Variants in AGAP1 observed in about 807,000 individuals in gnomAD.
AGAP1 encodes the protein arf-GAP with GTPase, ANK repeat and PH domain-containing protein 1.
AGAP1 carries 29 observed loss-of-function variants against 105.3 expected under a neutral mutation model. The observed-to-expected ratio is 0.28, with a 90% CI of 0.21 to 0.38. The LOEUF is 0.38. Among genes scored for constraint, AGAP1 ranks in the 10% least tolerant of loss-of-function variants. AGAP1 has a pLI of 1.00. For synonymous variants in AGAP1, 509 were observed against 485.9 expected, an observed-to-expected ratio of 1.05 and a Z score of -0.63; for missense variants, 998 against 1,165.1, an observed-to-expected ratio of 0.86 and a Z score of 2.09.
At chr2:235,509,194 G>C (rs1941962078) in intron 1 of AGAP1, among the ~76,000 whole-genome samples, 1 of 152,070 alleles carries the variant, frequency 6.6e-6, no homozygotes, top group African/African-American at 2.4e-5. Context: ...CTTGATTTTT[G>C]TCTATCTGTT....
At position 236,124,415 on chromosome 2, in the gene AGAP1, G is replaced by C; in HGVS notation, c.*293G>C. ...CCTTTGATGATAGCACATGGCGCAG[G>C]ACCCTTGTCCTGGTGGCACAAGGGA... On this transcript the variant is annotated 3_prime_UTR_variant, in exon 18 of 18. Coordinates refer to ENST00000304032, the MANE Select transcript of AGAP1 (RefSeq NM_001037131.3). The surrounding 1 kb of genome is among the most constrained non-coding windows in gnomAD (Gnocchi z 5.1). The C allele has an allele frequency of 2.2e-6, 1 of 456,262 alleles. No individual in the cohort carries two copies. Among genetic ancestry groups the C allele is most frequent in the Non-Finnish European group, 4.0e-6 (1 of 248,430 alleles). 28.3% of individuals were successfully genotyped at this position (456,262 alleles called of 1,614,324 possible).
intron 1 of AGAP1, among the ~76,000 whole-genome samples, chr2:235,644,716 A>G (rs13018025): frequency 0.72 from 108,857 of 151,956 alleles, 39,084 homozygotes; most frequent in East Asian, 0.8. Context: ...CCTTGGTGCC[A>G]GAGTTCTGAC....
rs1947742108 is a variant in AGAP1, at chr2:235,655,448, T to C, written c.164-53731T>C. 6.6e-6 allele frequency among the ~76,000 whole-genome samples: 1 copy of C among 152,200 alleles called. No homozygotes were observed. The highest frequency in any genetic ancestry group is 2.1e-4 in the South Asian group (1 of 4,830). ...TCCTTAAGTGTTGCAGAATCACACCTGGACAACCCAGGTGCCCAGTCCTTC... is the reference window on the plus strand; with the variant it reads ...TCCTTAAGTGTTGCAGAATCACACCCGGACAACCCAGGTGCCCAGTCCTTC... On this transcript the variant is annotated intron_variant, in intron 1 of 17. Transcript: ENST00000304032. The surrounding 1 kb of genome is among the most constrained non-coding windows in gnomAD (Gnocchi z 4.3).
In AGAP1 at chr2:235,582,454, T is replaced by C. The variant is rs558590477; in HGVS notation, c.163+87605T>C. On this transcript the variant is annotated intron_variant, in intron 1 of 17. Coordinates refer to ENST00000304032, the MANE Select transcript of AGAP1 (RefSeq NM_001037131.3). The surrounding 1 kb of genome is among the most constrained non-coding windows in gnomAD (Gnocchi z 4.7). ...AGAAGCATGGGTGTCCCCTTAGACA[T>C]CATGGGAGCTCATTGCATTGATGAA... Among the ~76,000 whole-genome samples the C allele has an allele frequency of 4.6e-5, 7 of 152,134 alleles. No individual in the cohort carries two copies. Among genetic ancestry groups the C allele is most frequent in the Non-Finnish European group, 1.0e-4 (7 of 68,024 alleles).
chr2:235,858,146 A>G (rs2048764410), intron 9 of AGAP1, among the ~76,000 whole-genome samples: 1 of 152,246 alleles, frequency 6.6e-6, no homozygotes, highest in African/African-American at 2.4e-5. Flanking sequence ...GAATTCCATC[A>G]TCAACATTAC....
rs1950479688 is a variant in AGAP1, at chr2:235,705,174, T to C, written c.164-4005T>C. Among the ~76,000 whole-genome samples the C allele has an allele frequency of 6.6e-6, 1 of 152,096 alleles. No individual in the cohort carries two copies. Among genetic ancestry groups the C allele is most frequent in the Admixed American group, 6.6e-5 (1 of 15,260 alleles). ...TTGTATTTTTAGTAGAGACGAGGTT[T>C]CGCCATGTTGGCCAGGCTGGTCTTG... On this transcript the variant is annotated intron_variant, in intron 1 of 17. Coordinates refer to ENST00000304032, the MANE Select transcript of AGAP1 (RefSeq NM_001037131.3). This position sits in a 1 kb window ranked among gnomAD's most constrained non-coding sequence, Gnocchi z 4.9.
chr2:235,525,066 G>A (rs529647677), intron 1 of AGAP1, among the ~76,000 whole-genome samples: 3 of 152,314 alleles, frequency 2.0e-5, no homozygotes, highest in South Asian at 2.1e-4. Flanking sequence ...TGAGGCAGGC[G>A]TGAAATTTAC....
intron 9 of AGAP1, among the ~76,000 whole-genome samples, chr2:235,817,475 C>CT (rs1221497992): frequency 1.3e-5 from 2 of 151,848 alleles, no homozygotes; most frequent in Non-Finnish European, 2.9e-5. Context: ...AAAGAATTTA[C>CT]TTTTAACTGA....
In AGAP1 at chr2:235,550,571, G is replaced by A. The variant is rs566888187; in HGVS notation, c.163+55722G>A. Reference sequence around the variant, plus strand: ...CCAGACTCAGAGTTGATGAGGGTCTGCAGGCGTCGGTCTGGGAGCCACAGA... The same window carrying A: ...CCAGACTCAGAGTTGATGAGGGTCTACAGGCGTCGGTCTGGGAGCCACAGA... On this transcript the variant is annotated intron_variant, in intron 1 of 17. Coordinates refer to ENST00000304032, the MANE Select transcript of AGAP1 (RefSeq NM_001037131.3). The surrounding 1 kb of genome is among the most constrained non-coding windows in gnomAD (Gnocchi z 4.6). Among the ~76,000 whole-genome samples the A allele has an allele frequency of 6.6e-6, 1 of 152,270 alleles. No individual in the cohort carries two copies. Among genetic ancestry groups the A allele is most frequent in the East Asian group, 1.9e-4 (1 of 5,156 alleles).
At chr2:235,826,158 C>T (rs1387076665) in intron 9 of AGAP1, among the ~76,000 whole-genome samples, 1 of 152,250 alleles carries the variant, frequency 6.6e-6, no homozygotes, top group Non-Finnish European at 1.5e-5. Context: ...AGAAGGAACA[C>T]ACCGTTTGCT....
chr2:235,969,678 C>T (rs2054561711), intron 13 of AGAP1, among the ~76,000 whole-genome samples: 1 of 152,226 alleles, frequency 6.6e-6, no homozygotes, highest in South Asian at 2.1e-4. Flanking sequence ...GCGGAGCACG[C>T]AAACCCACGG....
intron 1 of AGAP1, among the ~76,000 whole-genome samples, chr2:235,499,705 A>G (rs1184760386): frequency 6.6e-6 from 1 of 152,000 alleles, no homozygotes; most frequent in African/African-American, 2.4e-5. Context: ...TGTTGGTGTC[A>G]CTCATGACCA....
rs1187894490 is a variant in AGAP1 at position 236,061,775 on chromosome 2, A to G, written c.2114+12494A>G. Reference sequence around the variant, plus strand: ...TTTGGAGACAACGAAAATGATCTGGATTTACATAGTAGTGATGGTTGTACA... The same window carrying G: ...TTTGGAGACAACGAAAATGATCTGGGTTTACATAGTAGTGATGGTTGTACA... On this transcript the variant is annotated intron_variant, in intron 16 of 17. Coordinates refer to ENST00000304032, the MANE Select transcript of AGAP1 (RefSeq NM_001037131.3). The surrounding 1 kb of genome is among the most constrained non-coding windows in gnomAD (Gnocchi z 4.1). 6.6e-6 allele frequency among the ~76,000 whole-genome samples: 1 copy of G among 151,822 alleles called. No homozygotes were observed. Among genetic ancestry groups the G allele is most frequent in the African/African-American group, 2.4e-5 (1 of 41,282 alleles).
At position 236,083,161 on chromosome 2, in the gene AGAP1, A is replaced by G. The variant is rs1263819253; in HGVS notation, c.2114+33880A>G. ...CGAGCGAAATTCCATCTCAAAAAAA[A>G]AGAAAAAGAAAAGAGGCCTCGCCTT... On this transcript the variant is annotated intron_variant, in intron 16 of 17. Transcript: ENST00000304032. This position sits in a 1 kb window ranked among gnomAD's most constrained non-coding sequence, Gnocchi z 5.3. Among the ~76,000 whole-genome samples the G allele has an allele frequency of 1.4e-5, 2 of 143,520 alleles. No homozygotes were observed. Among genetic ancestry groups the G allele is most frequent in the Non-Finnish European group, 3.1e-5 (2 of 65,308 alleles). 94.2% of individuals were successfully genotyped at this position (143,520 alleles called of 152,430 possible). A position where few individuals can be genotyped will look rare whatever the true frequency, so the allele number is the denominator to read the frequency against.
intron 1 of AGAP1, among the ~76,000 whole-genome samples, chr2:235,680,501 C>T (rs1949006772): frequency 6.6e-6 from 1 of 152,128 alleles, no homozygotes; most frequent in Non-Finnish European, 1.5e-5. Flanking sequence ...TGTTCTGTGG[C>T]TCTCTATGGG....
At chr2:235,588,910 C>T (rs918942304) in intron 1 of AGAP1, among the ~76,000 whole-genome samples, 21 of 152,130 alleles carry the variant, frequency 1.4e-4, no homozygotes, top group South Asian at 4.2e-4. Flanking sequence ...GCTTTCCTGG[C>T]TTATTTGAGA....
At position 235,553,882 on chromosome 2, in the gene AGAP1, C is replaced by T. The variant is rs760398479; in HGVS notation, c.163+59033C>T. Among the ~76,000 whole-genome samples, 1 of 152,216 alleles carries T rather than the reference C, an allele frequency of 6.6e-6. No homozygotes were observed. The highest frequency in any genetic ancestry group is 2.4e-5 in the African/African-American group (1 of 41,446). ...GAAAGGAACTTCCACGTAAGGATCC[C>T]GAAGCACGGTTGCCTCCGCCTCCCA... On this transcript the variant is annotated intron_variant, in intron 1 of 17. Coordinates refer to ENST00000304032, the MANE Select transcript of AGAP1 (RefSeq NM_001037131.3). The surrounding 1 kb of genome is among the most constrained non-coding windows in gnomAD (Gnocchi z 4.5).
chr2:235,675,048 A>G (rs1316122705), intron 1 of AGAP1, among the ~76,000 whole-genome samples: 1 of 151,792 alleles, frequency 6.6e-6, no homozygotes, highest in Non-Finnish European at 1.5e-5. Context: ...ACCATTTAAA[A>G]CAAACAGCCT....
chr2:235,910,173 G>A (rs2051511369), intron 11 of AGAP1, among the ~76,000 whole-genome samples: 1 of 6,708 alleles, frequency 1.5e-4, no homozygotes, highest in Non-Finnish European at 2.3e-4. Context: ...AGATGGTACA[G>A]AGGAGTTCAA....
Sources: gnomAD v4.1 joint callset for allele counts (sites outside exome capture counted in the v4.1 genomes callset) on GRCh38, gnomAD v4.1.1 for gene constraint, Gnocchi (gnomAD v3.1) non-coding constraint, MANE v1.5 for transcripts, NCBI Gene and HGNC (gene_info 2026-07-23, HGNC 2026-07-21) for gene names.